TEAD4: variants seen among roughly 807,000 people sequenced by gnomAD.
The protein encoded by TEAD4 is TEA domain transcription factor 4.
TEAD4 carries 36 observed loss-of-function variants against 52.4 expected under a neutral mutation model. The observed-to-expected ratio is 0.69, with a 90% CI of 0.53 to 0.91. TEAD4 has a LOEUF of 0.91. Among genes scored for constraint, TEAD4 ranks in the 40% least tolerant of loss-of-function variants. TEAD4 has a pLI of 0.00. For missense variants in TEAD4, 508 were observed against 583.9 expected (o/e 0.87, Z 1.34); for synonymous variants, 220 against 231.0 (o/e 0.95, Z 0.43).
In TEAD4 at chr12:3,022,727, C is replaced by T. The variant is rs145246612; in HGVS notation, c.897+710C>T. Among the ~76,000 whole-genome samples, 898 of 152,136 alleles carry T rather than the reference C, an allele frequency of 5.9e-3. 14 individuals carry two copies. Among genetic ancestry groups the T allele is most frequent in the African/African-American group, 0.019 (799 of 41,498 alleles). On this transcript the variant is annotated intron_variant, in intron 10 of 12. Coordinates refer to ENST00000359864, the MANE Select transcript of TEAD4 (RefSeq NM_003213.4). ...GCCCAGTGTGTGCAGAAAAGGGGTGCGAGGAGAGAGTCAGACAAGTAAGTG... is the reference window on the plus strand; with the variant it reads ...GCCCAGTGTGTGCAGAAAAGGGGTGTGAGGAGAGAGTCAGACAAGTAAGTG...
In TEAD4 at chr12:2,994,760, C is replaced by G; in HGVS notation, c.-7C>G. 6.2e-7 allele frequency: 1 copy of G among 1,601,032 alleles called. No homozygotes were observed. Among genetic ancestry groups the G allele is most frequent in the Non-Finnish European group, 8.5e-7 (1 of 1,173,258 alleles). On this transcript the variant is annotated 5_prime_UTR_variant, in exon 3 of 13. Coordinates refer to ENST00000359864, the MANE Select transcript of TEAD4 (RefSeq NM_003213.4). This position sits in a 1 kb window ranked among gnomAD's most constrained non-coding sequence, Gnocchi z 4.7. ...CAGGTCCAACGAGCGCTCCTCCAAGCGGAGCCTTGGAGGGCACGGCCGGCA... is the reference window on the plus strand; with the variant it reads ...CAGGTCCAACGAGCGCTCCTCCAAGGGGAGCCTTGGAGGGCACGGCCGGCA...
At chr12:3,010,911 G>T (rs968680135) in intron 3 of TEAD4, 93 bp from the exon 4 acceptor site, 1 of 1,392,852 alleles carries the variant, frequency 7.2e-7, no homozygotes, top group Admixed American at 1.7e-5. Flanking sequence ...GAGAGTGAGG[G>T]CAGGGCTCCT....
chr12:3,039,507 C>T (rs976720692), intron 11 of TEAD4, among the ~76,000 whole-genome samples: 3 of 152,114 alleles, frequency 2.0e-5, no homozygotes, highest in African/African-American at 7.2e-5. Flanking sequence ...TGCATGATCA[C>T]CACCAGACTC....
intron 10 of TEAD4, among the ~76,000 whole-genome samples, chr12:3,036,329 T>C (rs1051855055): frequency 6.6e-6 from 1 of 152,212 alleles, no homozygotes; most frequent in Non-Finnish European, 1.5e-5. Flanking sequence ...CAGCGTTTTT[T>C]TGTGGCTACA....
chr12:2,983,039 C>T (rs1389150381), intron 2 of TEAD4, among the ~76,000 whole-genome samples: 1 of 152,136 alleles, frequency 6.6e-6, no homozygotes, highest in Non-Finnish European at 1.5e-5. Flanking sequence ...CCCTCCTTTC[C>T]GTCTCCTGAC....
intron 2 of TEAD4, among the ~76,000 whole-genome samples, chr12:2,960,762 A>G (rs1352235196): frequency 6.6e-6 from 1 of 152,188 alleles, no homozygotes; most frequent in African/African-American, 2.4e-5. Context: ...GTGTGATGCC[A>G]CGTCTCTTGA....
chr12:2,998,322 T>C lies in TEAD4; in HGVS notation c.226+3330T>C, dbSNP rs118028552. 7.1e-4 allele frequency among the ~76,000 whole-genome samples: 108 copies of C among 152,188 alleles called. 1 individual carries two copies. In the East Asian group the frequency reaches 0.017, roughly 24 times the overall value. ...TCTGTCCCTGCTTCACATATAAAGA[T>C]ACTGGGGTTAAGAGACCGTGACCAA... On this transcript the variant is annotated intron_variant, in intron 3 of 12. Transcript: ENST00000359864.
At chr12:3,021,372 A>G (rs989984567) in intron 9 of TEAD4, among the ~76,000 whole-genome samples, 10 of 145,698 alleles carry the variant, frequency 6.9e-5, no homozygotes, top group Non-Finnish European at 1.3e-4. Flanking sequence ...GTGCAGTGGC[A>G]TGATCTCAGC....
Position 3,038,070 on chromosome 12 carries a change from G to T in TEAD4, c.1000G>T (p.Val334Phe). ...CATGATCATCACCTGCTCCACGAAG[G>T]TCTGCTCTTTCGGCAAGCAGGTGGT... Residue 334 changes from valine (V) to phenylalanine (F), a missense_variant, in exon 11 of 13, where the codon GTC becomes TTC. Physicochemically the swap from Val to Phe is conservative, Grantham distance 50. Transcript: ENST00000359864. 6.2e-7 allele frequency: 1 copy of T among 1,613,792 alleles called. No individual in the cohort carries two copies. Among genetic ancestry groups the T allele is most frequent in the Non-Finnish European group, 8.5e-7 (1 of 1,179,724 alleles).
intron 2 of TEAD4, among the ~76,000 whole-genome samples, chr12:2,964,225 C>T (rs571639900): frequency 3.9e-5 from 6 of 152,318 alleles, no homozygotes; most frequent in Non-Finnish European, 7.3e-5. Context: ...GCTCGTGCCA[C>T]GCTCGCCCCT....
chr12:3,031,239 C>T (rs1324735609), intron 10 of TEAD4, among the ~76,000 whole-genome samples: 2 of 152,166 alleles, frequency 1.3e-5, no homozygotes, highest in South Asian at 2.1e-4. Context: ...GAGCACTCAC[C>T]GCCCCCGGCC....
At chr12:2,982,579 G>T (rs567415579) in intron 2 of TEAD4, among the ~76,000 whole-genome samples, 1 of 152,208 alleles carries the variant, frequency 6.6e-6, no homozygotes, top group Non-Finnish European at 1.5e-5. Flanking sequence ...AGGGCGGTGC[G>T]TGGGAGGTTT....
At chr12:2,984,924 CTG>C (rs2098236858) in intron 2 of TEAD4, among the ~76,000 whole-genome samples, 1 of 152,122 alleles carries the variant, frequency 6.6e-6, no homozygotes, top group Non-Finnish European at 1.5e-5. Context: ...GTAGGCTTGA[CTG>C]TACACTACTC....
At chr12:2,970,110 A>T (rs542242635) in intron 2 of TEAD4, among the ~76,000 whole-genome samples, 1 of 152,332 alleles carries the variant, frequency 6.6e-6, no homozygotes, top group Non-Finnish European at 1.5e-5. Context: ...GTAATAATAT[A>T]TTCTTTAACC....
chr12:3,034,310 T>C (rs773921185), intron 10 of TEAD4, among the ~76,000 whole-genome samples: 4 of 152,078 alleles, frequency 2.6e-5, no homozygotes, highest in Admixed American at 6.5e-5. Flanking sequence ...TGCTTGCGCC[T>C]GAGGGACCTT....
intron 2 of TEAD4, among the ~76,000 whole-genome samples, chr12:2,977,266 G>A (rs777216028): frequency 7.9e-5 from 12 of 152,250 alleles, no homozygotes; most frequent in Non-Finnish European, 1.3e-4. Context: ...GAGCCCAAAC[G>A]CTAAATCTCT....
At chr12:2,963,451 T>C (rs12229939) in intron 2 of TEAD4, among the ~76,000 whole-genome samples, 2 of 152,080 alleles carry the variant, frequency 1.3e-5, no homozygotes, top group Admixed American at 1.3e-4. Context: ...TTGGCCGGGG[T>C]TGGACGACAG....
rs192535997 is a variant in TEAD4 at position 2,967,634 on chromosome 12, G to A, written c.-30+7594G>A. 2.3e-3 allele frequency among the ~76,000 whole-genome samples: 347 copies of A among 152,282 alleles called. 3 individuals are homozygous for A. The highest frequency in any genetic ancestry group is 7.6e-3 in the African/African-American group (317 of 41,550). On this transcript the variant is annotated intron_variant, in intron 2 of 12. Coordinates refer to ENST00000359864, the MANE Select transcript of TEAD4 (RefSeq NM_003213.4). ...ATTCATGTTGAGGGAAAAGGCTTGG[G>A]GTTTTGGGCTGAAAAACGAAGGAAG...
chr12:3,028,811 G>T (rs1262286716), intron 10 of TEAD4, among the ~76,000 whole-genome samples: 2 of 151,624 alleles, frequency 1.3e-5, no homozygotes, highest in Non-Finnish European at 2.9e-5. Flanking sequence ...TTGTATTTTT[G>T]GTAAAGGCGG....
Sources: allele counts gnomAD v4.1 joint callset (sites outside exome capture counted in the v4.1 genomes callset), GRCh38; gene constraint gnomAD v4.1.1; non-coding constraint Gnocchi (gnomAD v3.1); transcripts MANE v1.5; gene names NCBI Gene and HGNC (gene_info 2026-07-23, HGNC 2026-07-21).